GLIS3: variants seen among roughly 807,000 people sequenced by gnomAD.
GLIS3 encodes GLIS family zinc finger 3, also known as zinc finger protein GLIS3.
GLIS3 carries 53 observed loss-of-function variants against 78.6 expected under a neutral mutation model. That is an observed-to-expected ratio of 0.67 (90% CI 0.54 to 0.85). The LOEUF (loss-of-function observed/expected upper bound fraction) is 0.85, where lower values mean the gene tolerates loss of function less well. Ranked by LOEUF, GLIS3 falls within the 40% of genes least tolerant of loss-of-function variation. The pLI is 0.00. For synonymous variants in GLIS3, 684 were observed against 509.9 expected, an observed-to-expected ratio of 1.34 and a Z score of -4.60; for missense variants, 1,703 against 1,231.1, an observed-to-expected ratio of 1.38 and a Z score of -5.74.
intron 4 of GLIS3, among the ~76,000 whole-genome samples, chr9:3,945,191 G>A (rs2130822009): frequency 6.6e-6 from 1 of 152,268 alleles, no homozygotes; most frequent in South Asian, 2.1e-4. Flanking sequence ...AGCAACCAAA[G>A]TATTTGATTT....
chr9:3,905,129 C>T (rs1306275465), intron 6 of GLIS3, among the ~76,000 whole-genome samples: 2 of 147,410 alleles, frequency 1.4e-5, no homozygotes, highest in African/African-American at 2.5e-5. Flanking sequence ...CCTGCCGCCA[C>T]GCCCGGTTAA....
At chr9:4,006,204 T>C (rs1821532011) in intron 4 of GLIS3, among the ~76,000 whole-genome samples, 3 of 151,760 alleles carry the variant, frequency 2.0e-5, no homozygotes, top group Non-Finnish European at 4.4e-5. Context: ...GTAAACTCTC[T>C]TTTTCACGCT....
chr9:4,209,224 C>T (rs1225561890), intron 2 of GLIS3, among the ~76,000 whole-genome samples: 1 of 152,106 alleles, frequency 6.6e-6, no homozygotes, highest in Non-Finnish European at 1.5e-5. Context: ...CGTAAAATTA[C>T]CCTGAGTTCA....
the GLIS3 span, among the ~76,000 whole-genome samples, chr9:4,438,585 G>A: frequency 0.19 from 29,285 of 152,108 alleles, 3,038 homozygotes; most frequent in Middle Eastern, 0.29. Context: ...TGTTGACATG[G>A]TTTGGCTGTG....
At chr9:4,168,392 A>G (rs1236815401) in intron 2 of GLIS3, among the ~76,000 whole-genome samples, 1 of 152,218 alleles carries the variant, frequency 6.6e-6, no homozygotes, top group Non-Finnish European at 1.5e-5. Context: ...GCCCAAAGAA[A>G]TGGATAATGA....
At chr9:3,910,648 T>C (rs1824072757) in intron 6 of GLIS3, among the ~76,000 whole-genome samples, 1 of 152,216 alleles carries the variant, frequency 6.6e-6, no homozygotes. Context: ...AAGTTTTTTA[T>C]ACAGGTAAGA....
chr9:3,879,363 C>T (rs1394094027), intron 8 of GLIS3, 64 bp downstream of exon 8: 2 of 1,485,528 alleles, frequency 1.3e-6, no homozygotes, highest in Non-Finnish European at 1.9e-6. Context: ...ACTGTCAAGG[C>T]ACTTGTCTGT....
chr9:4,347,635 G>C (rs377490500), intron 1 of GLIS3, among the ~76,000 whole-genome samples: 21 of 152,260 alleles, frequency 1.4e-4, no homozygotes, highest in African/African-American at 4.8e-4. Context: ...ACTAATAATA[G>C]TCATCTTTCA....
the GLIS3 span, among the ~76,000 whole-genome samples, chr9:4,450,746 C>G: frequency 7.2e-5 from 11 of 152,118 alleles, no homozygotes; most frequent in African/African-American, 2.7e-4. Context: ...TCCAGCCAAA[C>G]TAAGCTTCAC....
intron 4 of GLIS3, among the ~76,000 whole-genome samples, chr9:3,950,161 A>G (rs1273317207): frequency 6.6e-6 from 1 of 152,056 alleles, no homozygotes; most frequent in African/African-American, 2.4e-5. Flanking sequence ...CTCAAACATA[A>G]ATACTTCTCT....
intron 9 of GLIS3, among the ~76,000 whole-genome samples, chr9:3,843,380 C>T (rs1053816683): frequency 6.6e-6 from 1 of 152,154 alleles, no homozygotes; most frequent in Admixed American, 6.5e-5. Flanking sequence ...TCCCCAAAAC[C>T]TACTCTCTGG....
chr9:4,024,222 C>A (rs1823121189), intron 4 of GLIS3, among the ~76,000 whole-genome samples: 1 of 152,156 alleles, frequency 6.6e-6, no homozygotes, highest in Non-Finnish European at 1.5e-5. Context: ...CAGACCGAGA[C>A]TGTACAGTGA....
chr9:4,481,311 C>G, the GLIS3 span, among the ~76,000 whole-genome samples: 2 of 152,106 alleles, frequency 1.3e-5, no homozygotes, highest in East Asian at 1.9e-4. Flanking sequence ...TGGTGAAACC[C>G]TGTCTCTACT....
chr9:3,945,575 T>C (rs1015834003), intron 4 of GLIS3, among the ~76,000 whole-genome samples: 2 of 152,168 alleles, frequency 1.3e-5, no homozygotes, highest in African/African-American at 4.8e-5. Context: ...CCCTGCTTGC[T>C]CCAATACCTC....
chr9:4,427,924 T>C, the GLIS3 span, among the ~76,000 whole-genome samples: 4 of 151,804 alleles, frequency 2.6e-5, no homozygotes, highest in South Asian at 4.2e-4. Flanking sequence ...ACTAGACTGC[T>C]TCTGACCACC....
At chr9:3,891,397 C>T (rs1441172297) in intron 7 of GLIS3, among the ~76,000 whole-genome samples, 3 of 152,020 alleles carry the variant, frequency 2.0e-5, no homozygotes, top group Non-Finnish European at 4.4e-5. Flanking sequence ...AAAACGTGGT[C>T]AGTAACGTAA....
At chr9:4,019,419 CCACT>C (rs1201577667) in intron 4 of GLIS3, among the ~76,000 whole-genome samples, 2 of 152,114 alleles carry the variant, frequency 1.3e-5, no homozygotes, top group African/African-American at 4.8e-5. Flanking sequence ...GCTGTACCAC[CCACT>C]ATGTATATTT....
chr9:3,926,825 A>C (rs1218505130), intron 6 of GLIS3, among the ~76,000 whole-genome samples: 1 of 151,278 alleles, frequency 6.6e-6, no homozygotes, highest in Non-Finnish European at 1.5e-5. Context: ...GGGATTCGTC[A>C]TGTTGGCCAG....
chr9:4,238,948 T>C lies in GLIS3; in HGVS notation c.388+47090A>G, dbSNP rs986455576. On this transcript the variant is annotated intron_variant, in intron 2 of 10. Coordinates refer to ENST00000381971, the MANE Select transcript of GLIS3 (RefSeq NM_001042413.2). ...CCAATTCAAAACAAACGTTGTTTTT[T>C]GTCCCTGCAGTAGTTTGCTGAGAAT... 4.6e-5 allele frequency among the ~76,000 whole-genome samples: 7 copies of C among 152,060 alleles called. No individual in the cohort carries two copies. The South Asian group carries it at 6.2e-4, about 14-fold the overall frequency.
Sources: allele counts gnomAD v4.1 joint callset (sites outside exome capture counted in the v4.1 genomes callset), GRCh38; gene constraint gnomAD v4.1.1; transcripts MANE v1.5; gene names NCBI Gene and HGNC (gene_info 2026-07-23, HGNC 2026-07-21).